Variants in CEP128 observed in about 807,000 individuals in gnomAD.
The protein encoded by CEP128 is centrosomal protein 128.
CEP128 carries 132 observed loss-of-function variants against 156.7 expected under a neutral mutation model. That is an observed-to-expected ratio of 0.84 (90% confidence interval 0.73 to 0.97). The LOEUF (loss-of-function observed/expected upper bound fraction) is 0.97, where lower values mean the gene tolerates loss of function less well. Among genes scored for constraint, CEP128 ranks in the 50% least tolerant of loss-of-function variants. The pLI is 0.00. For synonymous variants in CEP128, 469 were observed against 448.9 expected, an observed-to-expected ratio of 1.04 and a Z score of -0.57; for missense variants, 1,252 against 1,281.9, an observed-to-expected ratio of 0.98 and a Z score of 0.36.
At chr14:80,856,715 C>CTT (rs1566673747) in intron 9 of CEP128, among the ~76,000 whole-genome samples, 4 of 73,188 alleles carry the variant, frequency 5.5e-5, no homozygotes, top group African/African-American at 1.6e-4. Context: ...TCATGTTTTT[C>CTT]TTTTCTTTTT....
chr14:80,713,546 T>C (rs1254927544), intron 19 of CEP128, among the ~76,000 whole-genome samples: 1 of 152,124 alleles, frequency 6.6e-6, no homozygotes, highest in Non-Finnish European at 1.5e-5. Context: ...ATTATCTGTA[T>C]ATATAGCAAT....
chr14:80,491,056 A>G (rs963931882), intron 6 of CEP128, among the ~76,000 whole-genome samples: 2 of 152,170 alleles, frequency 1.3e-5, no homozygotes, highest in African/African-American at 4.8e-5. Flanking sequence ...TGCTTTCAGG[A>G]ATCGTTGAAC....
chr14:80,783,469 G>A (rs2139799466), intron 15 of CEP128, among the ~76,000 whole-genome samples: 1 of 152,262 alleles, frequency 6.6e-6, no homozygotes, highest in African/African-American at 2.4e-5. Context: ...AAGGTGAGGT[G>A]GGTATTAAAT....
chr14:80,606,515 T>C (rs576272857), intron 19 of CEP128, among the ~76,000 whole-genome samples: 2 of 152,256 alleles, frequency 1.3e-5, no homozygotes, highest in South Asian at 4.1e-4. Context: ...CAACAGCTTC[T>C]CTTATTTGCA....
chr14:80,680,885 C>T (rs956642274), intron 19 of CEP128, among the ~76,000 whole-genome samples: 1 of 152,124 alleles, frequency 6.6e-6, no homozygotes, highest in African/African-American at 2.4e-5. Flanking sequence ...GTCAATCATG[C>T]CCAACAACCC....
chr14:80,478,040 A>C (rs571929650), exon 15 of CEP128: 9 of 152,268 alleles, frequency 5.9e-5, no homozygotes, highest in Admixed American at 5.2e-4. Context: ...ACTTCCCTTC[A>C]GCTTCATCTG....
intron 19 of CEP128, among the ~76,000 whole-genome samples, chr14:80,718,086 G>C (rs1566874699): frequency 6.6e-6 from 1 of 152,094 alleles, no homozygotes; most frequent in East Asian, 1.9e-4. Flanking sequence ...TGTTGCCAAG[G>C]CTGGTGATCC....
Position 80,831,286 on chromosome 14 carries a change from G to T in CEP128, c.1066C>A (p.Arg356=). The T allele has an allele frequency of 6.2e-7, 1 of 1,613,518 alleles. No individual in the cohort carries two copies. The highest frequency in any genetic ancestry group is 1.7e-4 in the Middle Eastern group (1 of 6,058). The change falls in exon 13 of 25, where the codon CGG becomes AGG. Residue 356 remains arginine, a synonymous_variant. Coordinates refer to ENST00000555265, the MANE Select transcript of CEP128 (RefSeq NM_152446.5). ...EDWRFRRGVE[R]EKQDLEKQMS... ...TGCTTCTCCAGGTCCTGTTTTTCCC[G>T]CTCAACCCCTTAAAAGATAAAATGT...
chr14:80,565,242 A>T (rs926470479), intron 20 of CEP128, among the ~76,000 whole-genome samples: 1 of 152,148 alleles, frequency 6.6e-6, no homozygotes, highest in African/African-American at 2.4e-5. Flanking sequence ...CCACACCAGT[A>T]ATCTGGCCCA....
intron 19 of CEP128, among the ~76,000 whole-genome samples, chr14:80,677,976 C>T (rs76087605): frequency 0.025 from 3,739 of 150,146 alleles, 159 homozygotes; most frequent in African/African-American, 0.088. Flanking sequence ...ACTTTCTTGG[C>T]TTAAGAAAAG....
intron 9 of CEP128, among the ~76,000 whole-genome samples, chr14:80,843,384 C>A (rs1886436802): frequency 6.6e-6 from 1 of 152,046 alleles, no homozygotes. Context: ...GCTACAGTTG[C>A]ACACCTTTGG....
chr14:80,752,701 C>G (rs1284035600), intron 18 of CEP128, among the ~76,000 whole-genome samples: 1 of 152,096 alleles, frequency 6.6e-6, no homozygotes, highest in African/African-American at 2.4e-5. Flanking sequence ...GATTACACAA[C>G]CAAGGGAGAC....
chr14:80,583,329 AT>A (rs933890657), intron 19 of CEP128, among the ~76,000 whole-genome samples: 13 of 149,764 alleles, frequency 8.7e-5, no homozygotes, highest in East Asian at 2.0e-4. Context: ...TTTGGTTTTT[AT>A]TTTTTTTTTC....
intron 19 of CEP128, among the ~76,000 whole-genome samples, chr14:80,657,246 G>A (rs192362977): frequency 1.2e-3 from 176 of 151,306 alleles, no homozygotes; most frequent in African/African-American, 4.1e-3. Flanking sequence ...AATAGAGCCA[G>A]ACTCTATCTC....
intron 2 of CEP128, among the ~76,000 whole-genome samples, chr14:80,927,071 G>A (rs1277370502): frequency 5.3e-5 from 8 of 152,172 alleles, no homozygotes; most frequent in Non-Finnish European, 7.3e-5. Flanking sequence ...CCCAGAGTGC[G>A]GCAGCCCCAC....
At chr14:80,938,562 T>G (rs1462898296) in intron 2 of CEP128, among the ~76,000 whole-genome samples, 2 of 152,126 alleles carry the variant, frequency 1.3e-5, no homozygotes, top group Non-Finnish European at 2.9e-5. Flanking sequence ...GTATTAGTAC[T>G]GCAAGTCCGC....
At chr14:80,870,730 T>G (rs1181095763) in intron 8 of CEP128, among the ~76,000 whole-genome samples, 1 of 151,798 alleles carries the variant, frequency 6.6e-6, no homozygotes, top group African/African-American at 2.4e-5. Flanking sequence ...AACGTAGTAC[T>G]GAAGGTCCTG....
At chr14:80,757,409 T>C (rs1899721487) in intron 17 of CEP128, among the ~76,000 whole-genome samples, 1 of 152,230 alleles carries the variant, frequency 6.6e-6, no homozygotes, top group Admixed American at 6.5e-5. Context: ...CATTTTGTCT[T>C]ATCAATGATT....
intron 4 of CEP128, among the ~76,000 whole-genome samples, chr14:80,909,134 G>GT (rs1566709261): frequency 6.6e-6 from 1 of 152,064 alleles, no homozygotes; most frequent in African/African-American, 2.4e-5. Context: ...CTGGACTTAA[G>GT]TTTTTTGCCA....
Sources: gnomAD v4.1 joint callset for allele counts (sites outside exome capture counted in the v4.1 genomes callset) on GRCh38, gnomAD v4.1.1 for gene constraint, MANE v1.5 for transcripts, NCBI Gene and HGNC (gene_info 2026-07-23, HGNC 2026-07-21) for gene names.